Variants in QTRT2 observed in about 807,000 individuals in gnomAD.
QTRT2 encodes the protein queuine tRNA-ribosyltransferase accessory subunit 2, also known as queuine tRNA-ribosyltransferase domain containing 1.
In QTRT2, 32 loss-of-function variants were observed where a neutral mutation model predicts 44.8. That is an observed-to-expected ratio of 0.71 (90% CI 0.54 to 0.96). The LOEUF is 0.96. Among genes scored for constraint, QTRT2 ranks in the 40% least tolerant of loss-of-function variants. The probability of loss-of-function intolerance (pLI) is 0.00; values close to 1 mark genes in which losing one functional copy is unlikely to be tolerated. For missense variants in QTRT2, 461 were observed against 503.1 expected (o/e 0.92, Z 0.80); for synonymous variants, 182 against 187.4 (o/e 0.97, Z 0.24).
Position 114,077,294 on chromosome 3 carries a change from T to C in QTRT2, c.746+352T>C, listed in dbSNP as rs540310609. ...AGACCAAGTGTAAAGTCACATGGAATGCTGGTTTAAATTGAGGAAAGTTGA... is the reference window on the plus strand; with the variant it reads ...AGACCAAGTGTAAAGTCACATGGAACGCTGGTTTAAATTGAGGAAAGTTGA... On this transcript the variant is annotated intron_variant, in intron 7 of 9. Transcript: ENST00000281273. 59 of 229,174 alleles carry C rather than the reference T, an allele frequency of 2.6e-4. No individual in the cohort carries two copies. The South Asian group carries it at 4.2e-3, about 16-fold the overall frequency. 14.2% of individuals were successfully genotyped at this position (229,174 alleles called of 1,614,324 possible).
chr3:114,061,010 A>G (rs1316047221), intron 2 of QTRT2, among the ~76,000 whole-genome samples: 2 of 152,196 alleles, frequency 1.3e-5, no homozygotes, highest in African/African-American at 2.4e-5. Context: ...GCTACTCAGA[A>G]TGGCATGCAA....
rs1341357223 is a variant in QTRT2, at chr3:114,080,060, A to G, written c.898+3A>G. 6.3e-7 allele frequency: 1 copy of G among 1,581,948 alleles called. No individual in the cohort carries two copies. Among genetic ancestry groups the G allele is most frequent in the Admixed American group, 1.9e-5 (1 of 53,048 alleles). ...CCAGCCGAATCCTGAAGAGACACGT[A>G]AGTCTTTTGAAGTTTATCTCTTATC... On this transcript the variant is annotated splice_donor_region_variant and intron_variant, in intron 8 of 9. Coordinates refer to ENST00000281273, the MANE Select transcript of QTRT2 (RefSeq NM_024638.4).
intron 7 of QTRT2, chr3:114,077,929 T>C (rs1215904213): frequency 6.6e-6 from 1 of 152,168 alleles, no homozygotes; most frequent in East Asian, 1.9e-4. Flanking sequence ...GTCAGGCTGG[T>C]CTCGAACTCC....
In QTRT2 at chr3:114,087,257, T is replaced by C. The variant is rs533630269; in HGVS notation, c.*1353T>C. On this transcript the variant is annotated 3_prime_UTR_variant, in exon 10 of 10. Transcript: ENST00000281273. ...CTATTCAAAATTTAGTGGGCATTAC[T>C]TAACATTGTTTCTAATTATTTTGTG... 1 of 152,354 alleles carries C rather than the reference T, an allele frequency of 6.6e-6. No individual in the cohort carries two copies. Among genetic ancestry groups the C allele is most frequent in the Admixed American group, 6.5e-5 (1 of 15,300 alleles). 9.4% of individuals were successfully genotyped at this position (152,354 alleles called of 1,614,324 possible).
chr3:114,067,929 A>G (rs1474069923), intron 4 of QTRT2, 58 bp from the exon 5 acceptor site: 9 of 1,473,646 alleles, frequency 6.1e-6, no homozygotes, highest in East Asian at 2.3e-5. Flanking sequence ...TCCCTGCTAT[A>G]ATACAGTGTC....
At chr3:114,065,186 C>T (rs1467503486) in intron 2 of QTRT2, 51 bp from the exon 3 acceptor site, 3 of 1,273,072 alleles carry the variant, frequency 2.4e-6, no homozygotes, top group Non-Finnish European at 2.2e-6. Flanking sequence ...AAATGCTTGG[C>T]CTCTAGGTGT....
At chr3:114,067,284 A>C (rs1372632057) in intron 4 of QTRT2, among the ~76,000 whole-genome samples, 1 of 152,236 alleles carries the variant, frequency 6.6e-6, no homozygotes, top group Non-Finnish European at 1.5e-5. Context: ...GTAATAATTG[A>C]AATTATGGAA....
Position 114,087,097 on chromosome 3 carries a change from CTA to C in QTRT2, c.*1196_*1197del, listed in dbSNP as rs2077246142. On this transcript the variant is annotated 3_prime_UTR_variant, in exon 10 of 10. Transcript: ENST00000281273. ...GTTACCTCTGTATTTTTCAAGTTTT[CTA>C]TAAGGAATACACATACACCCACATG... 6.6e-6 allele frequency: 1 copy of C among 152,076 alleles called. No homozygotes were observed. The highest frequency in any genetic ancestry group is 6.6e-5 in the Admixed American group (1 of 15,256). 9.4% of individuals were successfully genotyped at this position (152,076 alleles called of 1,614,324 possible).
intron 8 of QTRT2, among the ~76,000 whole-genome samples, chr3:114,081,008 T>A (rs747477752): frequency 1.3e-5 from 2 of 152,200 alleles, no homozygotes; most frequent in Non-Finnish European, 2.9e-5. Context: ...TGTGGATAGG[T>A]ATACCATTAA....
chr3:114,081,599 G>C (rs1166049631), intron 8 of QTRT2, among the ~76,000 whole-genome samples: 1 of 152,002 alleles, frequency 6.6e-6, no homozygotes, highest in East Asian at 1.9e-4. Flanking sequence ...CACCATGCTG[G>C]GCTAATTTTT....
intron 6 of QTRT2, among the ~76,000 whole-genome samples, chr3:114,075,051 G>T (rs2077071212): frequency 6.6e-6 from 1 of 152,150 alleles, no homozygotes; most frequent in Admixed American, 6.5e-5. Context: ...AGGAGAGATT[G>T]TTAGAAGTGG....
chr3:114,061,976 T>C (rs144376426), intron 2 of QTRT2, among the ~76,000 whole-genome samples: 223 of 151,182 alleles, frequency 1.5e-3, no homozygotes, highest in African/African-American at 5.3e-3. Context: ...AAAATCTTGT[T>C]ATTTTCAGTG....
At chr3:114,061,125 G>C (rs2076881925) in intron 2 of QTRT2, among the ~76,000 whole-genome samples, 1 of 152,182 alleles carries the variant, frequency 6.6e-6, no homozygotes. Flanking sequence ...TGGGGGTACT[G>C]TGTTAAGAAA....
chr3:114,059,662 G>GA lies in QTRT2; in HGVS notation c.-22+2556_-22+2557insA, dbSNP rs2076856753. Among the ~76,000 whole-genome samples the GA allele has an allele frequency of 2.6e-5, 4 of 152,138 alleles. No individual in the cohort carries two copies. In the South Asian group the frequency reaches 8.3e-4, roughly 32 times the overall value. On this transcript the variant is annotated intron_variant, in intron 2 of 9. Coordinates refer to ENST00000281273, the MANE Select transcript of QTRT2 (RefSeq NM_024638.4). ...AGCTGAAGTATAGTACATCTCTGAT[G>GA]TTTTCCTCAGATTTTAAAATATTTG...
At chr3:114,072,199 G>T (rs1415435949) in intron 6 of QTRT2, among the ~76,000 whole-genome samples, 1 of 151,702 alleles carries the variant, frequency 6.6e-6, no homozygotes, top group African/African-American at 2.4e-5. Flanking sequence ...CAGCCTATCA[G>T]GCTAGAGTGC....
At chr3:114,066,424 A>AT (rs754182109) in intron 4 of QTRT2, 141 bp downstream of exon 4, 3 of 588,238 alleles carry the variant, frequency 5.1e-6, no homozygotes, top group Non-Finnish European at 9.2e-6. Flanking sequence ...AGAGCCAGGC[A>AT]TTGGCAAGTC....
chr3:114,061,343 T>G (rs2076884386), intron 2 of QTRT2, among the ~76,000 whole-genome samples: 1 of 152,208 alleles, frequency 6.6e-6, no homozygotes, highest in Non-Finnish European at 1.5e-5. Context: ...GGTTTGAGCC[T>G]GACCCTGAGT....
chr3:114,078,352 T>C (rs1476781425), intron 7 of QTRT2: 2 of 152,162 alleles, frequency 1.3e-5, no homozygotes, highest in Non-Finnish European at 2.9e-5. Flanking sequence ...TGGATAGGAG[T>C]TCTAAAACAT....
intron 9 of QTRT2, 51 bp downstream of exon 9, chr3:114,082,845 G>T: frequency 3.6e-6 from 3 of 834,340 alleles, no homozygotes; most frequent in Non-Finnish European, 5.9e-6. Flanking sequence ...CTGAATTTTA[G>T]TCTGTGTTAA....
Sources: allele counts gnomAD v4.1 joint callset (sites outside exome capture counted in the v4.1 genomes callset), GRCh38; gene constraint gnomAD v4.1.1; transcripts MANE v1.5; gene names NCBI Gene and HGNC (gene_info 2026-07-23, HGNC 2026-07-21).